The following RPS6KA3 variants were observed in gnomAD, a reference collection of about 807,000 sequenced individuals.
The protein encoded by RPS6KA3 is ribosomal protein S6 kinase A3.
A neutral mutation model predicts 67.2 loss-of-function variants in RPS6KA3; 4 were observed. The ratio of observed to expected loss-of-function variants is 0.06; its 90% confidence interval spans 0.03 to 0.14. RPS6KA3 has a LOEUF of 0.14. Among genes scored for constraint, RPS6KA3 ranks in the 10% least tolerant of loss-of-function variants. The pLI, the probability that RPS6KA3 is intolerant of heterozygous loss-of-function variation, is 1.00. For synonymous variants in RPS6KA3, 182 were observed against 183.7 expected (o/e 0.99, Z 0.07); for missense variants, 204 against 559.0 (o/e 0.36, Z 6.40).
At chrX:20,245,747 C>T (rs1479082554) in intron 1 of RPS6KA3, among the ~76,000 whole-genome samples, 1 of 111,688 alleles carries the variant, frequency 9.0e-6, no homozygotes, top group African/African-American at 3.3e-5. Context: ...CAGCCCAACA[C>T]TGAATCAGAA....
intron 3 of RPS6KA3, among the ~76,000 whole-genome samples, chrX:20,208,438 G>A (rs1603428128): frequency 1.8e-5 from 2 of 111,744 alleles, no homozygotes; most frequent in Admixed American, 1.9e-4. Context: ...ATCTTCGGCC[G>A]GGCGTGGTTG....
At position 20,155,291 on chromosome X, in the gene RPS6KA3, G is replaced by T; in HGVS notation, c.*107C>A. On this transcript the variant is annotated 3_prime_UTR_variant, in exon 22 of 22. Coordinates refer to ENST00000379565, the MANE Select transcript of RPS6KA3 (RefSeq NM_004586.3). ...AGGAACAGCAGCATTATGGGTACCA[G>T]CTGGGACAGTGTGTGCTTGCAGGTG... 1.1e-6 allele frequency: 1 copy of T among 897,850 alleles called. No homozygotes were observed. The highest frequency in any genetic ancestry group is 1.6e-6 in the Non-Finnish European group (1 of 610,321). The allele number at this position is 897,850 out of a possible 1,213,427, so 74.0% of individuals were successfully genotyped here.
intron 1 of RPS6KA3, among the ~76,000 whole-genome samples, chrX:20,242,795 G>C (rs1480475316): frequency 1.8e-5 from 2 of 111,360 alleles, no homozygotes; most frequent in Non-Finnish European, 3.8e-5. Context: ...CTTTTAAGAA[G>C]TATAAATGCA....
chrX:20,266,691 G>A lies in RPS6KA3; in HGVS notation c.-59C>T. The A allele has an allele frequency of 3.5e-6, 3 of 867,269 alleles. No individual in the cohort carries two copies. The highest frequency in any genetic ancestry group is 2.9e-6 in the Non-Finnish European group (2 of 685,379). 71.5% of individuals were successfully genotyped at this position (867,269 alleles called of 1,213,427 possible). ...TCCCTCCCCGCCCGCCCCACGGCCG[G>A]CCCCGCTCCGTCGCCGCCCGAGCCC... On this transcript the variant is annotated 5_prime_UTR_variant, in exon 1 of 22. Transcript: ENST00000379565.
intron 2 of RPS6KA3, among the ~76,000 whole-genome samples, chrX:20,216,663 G>A (rs755532271): frequency 1.8e-5 from 2 of 110,425 alleles, no homozygotes; most frequent in Admixed American, 9.7e-5. Context: ...CCTGAGGGAG[G>A]TGAGAAAGTC....
At chrX:20,245,090 A>G (rs1466262314) in intron 1 of RPS6KA3, among the ~76,000 whole-genome samples, 3 of 111,875 alleles carry the variant, frequency 2.7e-5, no homozygotes, top group Non-Finnish European at 5.6e-5. Flanking sequence ...CATGAGTTCT[A>G]TGGAATCTTG....
In RPS6KA3 at chrX:20,153,326, T is replaced by C. The variant is rs983971610; in HGVS notation, c.*2072A>G. On this transcript the variant is annotated 3_prime_UTR_variant, in exon 22 of 22. Coordinates refer to ENST00000379565, the MANE Select transcript of RPS6KA3 (RefSeq NM_004586.3). ...CTTTCTCTATCTAGACATTCTGATA[T>C]CCCTCCTATATATTATTTCATTTAG... 2 of 111,862 alleles carry C rather than the reference T, an allele frequency of 1.8e-5. No homozygotes were observed. Among genetic ancestry groups the C allele is most frequent in the African/African-American group, 6.5e-5 (2 of 30,807 alleles). The allele number at this position is 111,862 out of a possible 1,213,427, so 9.2% of individuals were successfully genotyped here. A position where few individuals can be genotyped will look rare whatever the true frequency, so the allele number is the denominator to read the frequency against.
chrX:20,163,708 G>A (rs988834410), intron 18 of RPS6KA3, among the ~76,000 whole-genome samples: 4 of 110,468 alleles, frequency 3.6e-5, no homozygotes, highest in African/African-American at 1.3e-4. Flanking sequence ...TCACTCTGTC[G>A]CCCAGGCTGG....
At chrX:20,206,351 C>A (rs1012728252) in intron 3 of RPS6KA3, among the ~76,000 whole-genome samples, 10 of 112,131 alleles carry the variant, frequency 8.9e-5, no homozygotes, top group Admixed American at 3.8e-4. Context: ...CTAATTCCAA[C>A]AACTTAAATA....
In RPS6KA3 at chrX:20,263,932, T is replaced by C. The variant is rs751296198; in HGVS notation, c.69+2632A>G. On this transcript the variant is annotated intron_variant, in intron 1 of 21. Transcript: ENST00000379565. ...TGAAATCTTTTAACCTGGAGAGAAATATTTTGATGTATTCACTCAAGTAAA... is the reference window on the plus strand; with the variant it reads ...TGAAATCTTTTAACCTGGAGAGAAACATTTTGATGTATTCACTCAAGTAAA... 9.9e-5 allele frequency among the ~76,000 whole-genome samples: 11 copies of C among 111,009 alleles called. No homozygotes were observed. In the East Asian group the frequency reaches 2.0e-3, roughly 20 times the overall value.
intron 16 of RPS6KA3, among the ~76,000 whole-genome samples, chrX:20,169,106 G>T (rs1479442808): frequency 8.9e-6 from 1 of 112,024 alleles, no homozygotes; most frequent in Non-Finnish European, 1.9e-5. Context: ...TCCTGCCTCA[G>T]CCTCCCAAAG....
Position 20,212,473 on chromosome X carries a change from C to G in RPS6KA3, c.127-3069G>C, listed in dbSNP as rs191594747. 9.2e-4 allele frequency among the ~76,000 whole-genome samples: 102 copies of G among 110,900 alleles called. 2 individuals are homozygous for G. The highest frequency in any genetic ancestry group is 4.7e-3 in the Admixed American group (49 of 10,445). ...AGATCACGCCACTGCACTCCAGCCTCCTGGGTGATGAGAGAGAGACACCAT... is the reference window on the plus strand; with the variant it reads ...AGATCACGCCACTGCACTCCAGCCTGCTGGGTGATGAGAGAGAGACACCAT... On this transcript the variant is annotated intron_variant, in intron 2 of 21. Coordinates refer to ENST00000379565, the MANE Select transcript of RPS6KA3 (RefSeq NM_004586.3).
chrX:20,182,170 T>C (rs778694342), intron 10 of RPS6KA3, among the ~76,000 whole-genome samples: 8 of 112,131 alleles, frequency 7.1e-5, no homozygotes, highest in Admixed American at 4.7e-4. Flanking sequence ...ACACATAACA[T>C]TGCCAGAACC....
chrX:20,176,136 G>A, intron 13 of RPS6KA3, 114 bp downstream of exon 13: 1 of 532,347 alleles, frequency 1.9e-6, no homozygotes, highest in East Asian at 3.6e-5. Context: ...CTCCCAAAGT[G>A]CTGGGATTAC....
In RPS6KA3 at chrX:20,153,419, T is replaced by G. The variant is rs2067135172; in HGVS notation, c.*1979A>C. On this transcript the variant is annotated 3_prime_UTR_variant, in exon 22 of 22. Coordinates refer to ENST00000379565, the MANE Select transcript of RPS6KA3 (RefSeq NM_004586.3). ...TGTCACTTGGGCAAAAGAAATGTTA[T>G]AGATTTCCCCTTTCTCTTTAATTGC... The G allele has an allele frequency of 8.9e-6, 1 of 111,828 alleles. No homozygotes were observed. Among genetic ancestry groups the G allele is most frequent in the Non-Finnish European group, 1.9e-5 (1 of 53,165 alleles). The allele number at this position is 111,828 out of a possible 1,213,427, so 9.2% of individuals were successfully genotyped here.
At chrX:20,249,541 C>T (rs963266176) in intron 1 of RPS6KA3, among the ~76,000 whole-genome samples, 1 of 111,543 alleles carries the variant, frequency 9.0e-6, no homozygotes, top group African/African-American at 3.3e-5. Context: ...TTTTCACTTC[C>T]CTGATAGTTA....
At position 20,151,288 on chromosome X, in the gene RPS6KA3, T is replaced by C. The variant is rs928621317; in HGVS notation, c.*4110A>G. On this transcript the variant is annotated 3_prime_UTR_variant, in exon 22 of 22. Transcript: ENST00000379565. Reference sequence around the variant, plus strand: ...AGTGTGGCTCTGTTGAATACCACAGTCCCAATAAAGTGAATTTCATTCCTT... The same window carrying C: ...AGTGTGGCTCTGTTGAATACCACAGCCCCAATAAAGTGAATTTCATTCCTT... The C allele has an allele frequency of 4.4e-5, 5 of 112,668 alleles. No homozygotes were observed. Among genetic ancestry groups the C allele is most frequent in the African/African-American group, 1.6e-4 (5 of 30,907 alleles). 9.3% of individuals were successfully genotyped at this position (112,668 alleles called of 1,213,427 possible).
At chrX:20,176,563 G>A in intron 11 of RPS6KA3, 65 bp from the exon 12 acceptor site, 2 of 679,366 alleles carry the variant, frequency 2.9e-6, no homozygotes, top group Non-Finnish European at 4.7e-6. Flanking sequence ...CTCAGCCTTT[G>A]TTTTCAATAC....
chrX:20,176,590 T>C, intron 11 of RPS6KA3, 92 bp from the exon 12 acceptor site: 1 of 556,612 alleles, frequency 1.8e-6, no homozygotes, highest in Non-Finnish European at 3.0e-6. Flanking sequence ...AATTAATTAA[T>C]TAATTAATTA....
Sources: gnomAD v4.1 joint callset for allele counts (sites outside exome capture counted in the v4.1 genomes callset) on GRCh38, gnomAD v4.1.1 for gene constraint, MANE v1.5 for transcripts, NCBI Gene and HGNC (gene_info 2026-07-23, HGNC 2026-07-21) for gene names.